NUP205: variants seen among roughly 807,000 people sequenced by gnomAD.
NUP205 encodes the protein nucleoporin 205, also known as nuclear pore complex protein Nup205.
A neutral mutation model predicts 253.8 loss-of-function variants in NUP205; 76 were observed. The observed-to-expected ratio is 0.30, with a 90% CI of 0.25 to 0.36. The LOEUF is 0.36. NUP205 is among the 10% of genes least tolerant of loss of function. NUP205 has a pLI of 1.00. For missense variants in NUP205, 2,162 were observed against 2,425.5 expected, an observed-to-expected ratio of 0.89 and a Z score of 2.28; for synonymous variants, 832 against 850.1, an observed-to-expected ratio of 0.98 and a Z score of 0.37.
intron 8 of NUP205, among the ~76,000 whole-genome samples, chr7:135,586,543 A>G (rs536376523): frequency 3.9e-5 from 6 of 152,180 alleles, no homozygotes; most frequent in Non-Finnish European, 7.3e-5. Context: ...CTTTTTTCTA[A>G]TATGAGCATT....
chr7:135,574,461 C>A (rs1385191376), intron 3 of NUP205, among the ~76,000 whole-genome samples: 1 of 151,994 alleles, frequency 6.6e-6, no homozygotes, highest in Non-Finnish European at 1.5e-5. Context: ...GCCTTGAGAC[C>A]CAAATGATGA....
intron 28 of NUP205, 135 bp downstream of exon 28, chr7:135,618,738 C>T (rs1794410455): frequency 1.4e-6 from 1 of 705,356 alleles, no homozygotes; most frequent in South Asian, 1.9e-5. Context: ...TTAAGACTTT[C>T]CTTGAGAAAG....
chr7:135,603,085 C>CTT, intron 18 of NUP205, 91 bp downstream of exon 18: 1 of 676,420 alleles, frequency 1.5e-6, no homozygotes, highest in Non-Finnish European at 2.2e-6. Flanking sequence ...AGTGCATCAC[C>CTT]TTTTTTTTTA....
At chr7:135,626,775 G>C (rs1794599671) in intron 33 of NUP205, among the ~76,000 whole-genome samples, 1 of 152,118 alleles carries the variant, frequency 6.6e-6, no homozygotes, top group African/African-American at 2.4e-5. Context: ...AAATGGAATT[G>C]TTTTCAAGTT....
chr7:135,629,992 C>T (rs1287331597), intron 34 of NUP205, among the ~76,000 whole-genome samples: 2 of 152,098 alleles, frequency 1.3e-5, no homozygotes. Context: ...GTTCATTTGG[C>T]CAAACAATAA....
chr7:135,610,570 A>C (rs1794205485), intron 22 of NUP205, among the ~76,000 whole-genome samples: 1 of 147,662 alleles, frequency 6.8e-6, no homozygotes, highest in African/African-American at 2.6e-5. Flanking sequence ...AGGGACCAGT[A>C]TCATCAGCAT....
chr7:135,599,914 G>T (rs904482520), intron 15 of NUP205, among the ~76,000 whole-genome samples: 3 of 152,120 alleles, frequency 2.0e-5, no homozygotes, highest in Non-Finnish European at 4.4e-5. Flanking sequence ...ATGTTTACCA[G>T]TCCTAAATCC....
chr7:135,627,746 A>G (rs1207757771), intron 33 of NUP205, among the ~76,000 whole-genome samples: 1 of 152,202 alleles, frequency 6.6e-6, no homozygotes, highest in Non-Finnish European at 1.5e-5. Flanking sequence ...GTTTTCCTCG[A>G]TAAGATTTTT....
At chr7:135,630,060 C>T (rs370489075) in intron 34 of NUP205, among the ~76,000 whole-genome samples, 1 of 152,100 alleles carries the variant, frequency 6.6e-6, no homozygotes, top group East Asian at 1.9e-4. Context: ...TATTCTTCTA[C>T]AGTAGTCTCC....
chr7:135,565,643 G>C (rs1805735366), intron 1 of NUP205, among the ~76,000 whole-genome samples: 2 of 151,980 alleles, frequency 1.3e-5, no homozygotes, highest in South Asian at 2.1e-4. Flanking sequence ...TGTTGATCAG[G>C]CTGGTCTCGA....
At chr7:135,623,224 G>A (rs1313004789) in intron 31 of NUP205, among the ~76,000 whole-genome samples, 6 of 152,142 alleles carry the variant, frequency 3.9e-5, no homozygotes, top group Non-Finnish European at 8.8e-5. Flanking sequence ...GGTTGCTTGC[G>A]GTGAGCTGTG....
chr7:135,638,930 G>A (rs1794868016), intron 38 of NUP205, among the ~76,000 whole-genome samples: 1 of 152,176 alleles, frequency 6.6e-6, no homozygotes, highest in Admixed American at 6.5e-5. Context: ...AATAGCACTT[G>A]AGGGCTCAAA....
At chr7:135,623,844 G>A (rs906492915) in intron 31 of NUP205, among the ~76,000 whole-genome samples, 1 of 152,014 alleles carries the variant, frequency 6.6e-6, no homozygotes, top group Non-Finnish European at 1.5e-5. Context: ...GTGTAGTGGC[G>A]CAATCTCGGC....
At chr7:135,614,972 G>C (rs1794324443) in intron 23 of NUP205, among the ~76,000 whole-genome samples, 1 of 152,154 alleles carries the variant, frequency 6.6e-6, no homozygotes, top group South Asian at 2.1e-4. Context: ...ACCTTTTAGA[G>C]TAATGGCGTT....
At chr7:135,596,887 A>G (rs1793849357) in intron 13 of NUP205, among the ~76,000 whole-genome samples, 1 of 150,802 alleles carries the variant, frequency 6.6e-6, no homozygotes, top group East Asian at 1.9e-4. Context: ...AGCCCAGGAG[A>G]CGGAGGTTGC....
rs11396157 is a variant in NUP205 at position 135,579,197 on chromosome 7, A to ATT, written c.1042+295_1042+296dup. 0.026 allele frequency among the ~76,000 whole-genome samples: 3,708 copies of ATT among 144,032 alleles called. 75 individuals are homozygous for ATT. Among genetic ancestry groups the ATT allele is most frequent in the South Asian group, 0.079 (357 of 4,524 alleles). The allele number at this position is 144,032 out of a possible 152,430, so 94.5% of individuals were successfully genotyped here. On this transcript the variant is annotated intron_variant, in intron 7 of 42. Coordinates refer to ENST00000285968, the MANE Select transcript of NUP205 (RefSeq NM_015135.3). ...AATTTGGAATGACAGTGTCACATTA[A>ATT]TTTTTTTTTTTTTTGAGATGGAGTT...
intron 1 of NUP205, among the ~76,000 whole-genome samples, chr7:135,564,245 A>ATT (rs35094813): frequency 2.2e-4 from 27 of 124,002 alleles, no homozygotes; most frequent in African/African-American, 2.5e-4. Context: ...ATGCCCAGCT[A>ATT]TTTTTTTTTT....
At chr7:135,634,026 G>A (rs1003606446) in intron 35 of NUP205, among the ~76,000 whole-genome samples, 1 of 152,074 alleles carries the variant, frequency 6.6e-6, no homozygotes, top group African/African-American at 2.4e-5. Flanking sequence ...GCCCACTACC[G>A]TGTATGTTGT....
chr7:135,631,436 T>TC (rs917809629), intron 35 of NUP205, among the ~76,000 whole-genome samples: 2 of 152,182 alleles, frequency 1.3e-5, no homozygotes, highest in Non-Finnish European at 2.9e-5. Flanking sequence ...TTGGTTACTT[T>TC]CCCCCCTTAT....
Sources: allele counts gnomAD v4.1 joint callset (sites outside exome capture counted in the v4.1 genomes callset), GRCh38; gene constraint gnomAD v4.1.1; transcripts MANE v1.5; gene names NCBI Gene and HGNC (gene_info 2026-07-23, HGNC 2026-07-21).